CDH12: variants seen among roughly 807,000 people sequenced by gnomAD.
CDH12 encodes cadherin-12.
A neutral mutation model predicts 74.1 loss-of-function variants in CDH12; 41 were observed. The observed-to-expected ratio is 0.55, with a 90% CI of 0.43 to 0.72. The LOEUF (loss-of-function observed/expected upper bound fraction) is 0.72, where lower values mean the gene tolerates loss of function less well. Ranked by LOEUF, CDH12 falls within the 30% of genes least tolerant of loss-of-function variation. The pLI, the probability that CDH12 is intolerant of heterozygous loss-of-function variation, is 0.00. For missense variants in CDH12, 945 were observed against 977.2 expected, an observed-to-expected ratio of 0.97 and a Z score of 0.44; for synonymous variants, 399 against 355.0, an observed-to-expected ratio of 1.12 and a Z score of -1.39.
chr5:22,119,435 G>A (rs1745373486), intron 4 of CDH12, among the ~76,000 whole-genome samples: 1 of 151,762 alleles, frequency 6.6e-6, no homozygotes, highest in African/African-American at 2.4e-5. Flanking sequence ...GATTACAGGT[G>A]CATGCCACCA....
At chr5:22,815,608 A>G (rs1043028552) in intron 1 of CDH12, among the ~76,000 whole-genome samples, 5 of 151,746 alleles carry the variant, frequency 3.3e-5, no homozygotes, top group African/African-American at 1.2e-4. Flanking sequence ...CATCTCTACT[A>G]AAAATACAAA....
chr5:22,275,871 T>C (rs1313588563), intron 3 of CDH12, among the ~76,000 whole-genome samples: 1 of 152,164 alleles, frequency 6.6e-6, no homozygotes, highest in African/African-American at 2.4e-5. Flanking sequence ...CTACGACTAG[T>C]TCTTTGCCCA....
At chr5:22,409,400 AC>A (rs1163605089) in intron 2 of CDH12, among the ~76,000 whole-genome samples, 1 of 151,958 alleles carries the variant, frequency 6.6e-6, no homozygotes, top group Non-Finnish European at 1.5e-5. Context: ...AGAGAAAGAT[AC>A]CCCATATTTC....
chr5:21,979,328 T>C (rs1158165548), intron 5 of CDH12, among the ~76,000 whole-genome samples: 1 of 152,166 alleles, frequency 6.6e-6, no homozygotes, highest in Non-Finnish European at 1.5e-5. Flanking sequence ...ATGATGGCTG[T>C]AGAAATAGGC....
chr5:22,224,434 T>TA (rs1447247227), intron 3 of CDH12, among the ~76,000 whole-genome samples: 1 of 152,068 alleles, frequency 6.6e-6, no homozygotes, highest in East Asian at 1.9e-4. Context: ...ATAATAATTT[T>TA]AAAAACGATA....
intron 1 of CDH12, among the ~76,000 whole-genome samples, chr5:22,629,764 A>G (rs983091351): frequency 4.6e-5 from 7 of 152,230 alleles, no homozygotes; most frequent in Admixed American, 3.9e-4. Context: ...TAGTCAGAGT[A>G]ATTAGGTAAG....
chr5:22,521,559 T>C (rs1313058972), intron 1 of CDH12, among the ~76,000 whole-genome samples: 2 of 152,152 alleles, frequency 1.3e-5, no homozygotes, highest in African/African-American at 2.4e-5. Flanking sequence ...CATGAATAAA[T>C]ACAAATGTTA....
At chr5:21,762,457 C>G (rs1744777269) in intron 12 of CDH12, among the ~76,000 whole-genome samples, 2 of 152,002 alleles carry the variant, frequency 1.3e-5, no homozygotes, top group African/African-American at 4.8e-5. Context: ...AGTTCTTAGA[C>G]TAGGGGCAGA....
chr5:22,132,781 T>A (rs999361513), intron 4 of CDH12, among the ~76,000 whole-genome samples: 3 of 152,028 alleles, frequency 2.0e-5, no homozygotes, highest in Non-Finnish European at 4.4e-5. Context: ...GTCTCAGGGT[T>A]TTAGGCTACA....
intron 4 of CDH12, among the ~76,000 whole-genome samples, chr5:22,182,267 T>C (rs1355269584): frequency 3.3e-5 from 5 of 152,144 alleles, no homozygotes; most frequent in Non-Finnish European, 7.4e-5. Context: ...CTAGCTTTTA[T>C]CATTTTTCAG....
chr5:22,060,310 G>A (rs768333252), intron 5 of CDH12, among the ~76,000 whole-genome samples: 31 of 150,116 alleles, frequency 2.1e-4, no homozygotes, highest in Non-Finnish European at 3.0e-4. Flanking sequence ...ACACACTGGG[G>A]CCTGTTGGGG....
intron 6 of CDH12, among the ~76,000 whole-genome samples, chr5:21,903,145 A>G (rs970963985): frequency 4.6e-5 from 7 of 152,122 alleles, no homozygotes; most frequent in Non-Finnish European, 7.4e-5. Flanking sequence ...AAAAATTAAA[A>G]TGAGACTTGG....
intron 1 of CDH12, among the ~76,000 whole-genome samples, chr5:22,556,991 C>G (rs1249141416): frequency 6.6e-6 from 1 of 152,014 alleles, no homozygotes; most frequent in Non-Finnish European, 1.5e-5. Flanking sequence ...TGACCAACCT[C>G]TCCGTAACAC....
At chr5:22,095,635 A>C (rs1278055283) in intron 4 of CDH12, among the ~76,000 whole-genome samples, 1 of 151,112 alleles carries the variant, frequency 6.6e-6, no homozygotes, top group Non-Finnish European at 1.5e-5. Context: ...CTTAGTGGCA[A>C]GTACTGCTTT....
chr5:22,071,097 C>T (rs1741910410), intron 5 of CDH12, among the ~76,000 whole-genome samples: 1 of 151,990 alleles, frequency 6.6e-6, no homozygotes, highest in Non-Finnish European at 1.5e-5. Context: ...TGTTAACAAA[C>T]ATGCAGGTCC....
chr5:22,673,089 C>T (rs1304037627), intron 1 of CDH12, among the ~76,000 whole-genome samples: 1 of 151,982 alleles, frequency 6.6e-6, no homozygotes, highest in Non-Finnish European at 1.5e-5. Context: ...ATTATCAGTA[C>T]TCCAACTCTT....
intron 3 of CDH12, among the ~76,000 whole-genome samples, chr5:22,222,845 T>C (rs1244304155): frequency 1.3e-5 from 2 of 152,026 alleles, no homozygotes; most frequent in Non-Finnish European, 2.9e-5. Flanking sequence ...GATGAGTTAG[T>C]AATAATTTAA....
chr5:22,697,571 C>CAA (rs397997008), intron 1 of CDH12, among the ~76,000 whole-genome samples: 5,998 of 101,836 alleles, frequency 0.059, 322 homozygotes, highest in African/African-American at 0.12. Context: ...GACTCTGTCT[C>CAA]AAAAAAAAAA....
chr5:22,156,280 C>T (rs1295894529), intron 4 of CDH12, among the ~76,000 whole-genome samples: 1 of 152,012 alleles, frequency 6.6e-6, no homozygotes, highest in Non-Finnish European at 1.5e-5. Flanking sequence ...TACCACCTAG[C>T]TTAAATGGCC....
Sources: gnomAD v4.1 joint callset for allele counts (sites outside exome capture counted in the v4.1 genomes callset) on GRCh38, gnomAD v4.1.1 for gene constraint, MANE v1.5 for transcripts, NCBI Gene and HGNC (gene_info 2026-07-23, HGNC 2026-07-21) for gene names.